Variants in RAC1 observed in about 807,000 individuals in gnomAD.
RAC1 encodes the protein ras-related C3 botulinum toxin substrate 1.
In RAC1, 2 loss-of-function variants were observed where a neutral mutation model predicts 25.2. The observed-to-expected ratio is 0.08, with a 90% confidence interval of 0.03 to 0.25. The LOEUF (loss-of-function observed/expected upper bound fraction) is 0.25. Among genes scored for constraint, RAC1 ranks in the 10% least tolerant of loss-of-function variants. The pLI is 1.00. For synonymous variants in RAC1, 88 were observed against 94.0 expected, an observed-to-expected ratio of 0.94 and a Z score of 0.37; for missense variants, 50 against 235.7, an observed-to-expected ratio of 0.21 and a Z score of 5.16.
Position 6,402,618 on chromosome 7 carries a change from G to C in RAC1, c.*172G>C. ...ATAAAACCATTTTTTGAACCAATCAGTAATTTTAAGGTTTTGTTTGTTCTA... is the reference window on the plus strand; with the variant it reads ...ATAAAACCATTTTTTGAACCAATCACTAATTTTAAGGTTTTGTTTGTTCTA... On this transcript the variant is annotated 3_prime_UTR_variant, in exon 6 of 6. Coordinates refer to ENST00000348035, the MANE Select transcript of RAC1 (RefSeq NM_006908.5). 3.5e-6 allele frequency: 2 copies of C among 575,746 alleles called. No homozygotes were observed. The highest frequency in any genetic ancestry group is 5.2e-6 in the Non-Finnish European group (2 of 381,102). The allele number at this position is 575,746 out of a possible 1,614,324, so 35.7% of individuals were successfully genotyped here.
intron 3 of RAC1, 36 bp downstream of exon 3, chr7:6,392,077 G>A (rs766732582): frequency 6.2e-7 from 1 of 1,613,378 alleles, no homozygotes; most frequent in South Asian, 1.1e-5. Context: ...GTGTCTTTTA[G>A]AGTATATAAT....
chr7:6,389,408 A>T (rs1783020951), intron 2 of RAC1, among the ~76,000 whole-genome samples: 1 of 148,470 alleles, frequency 6.7e-6, no homozygotes, highest in South Asian at 2.1e-4. Flanking sequence ...TAATTAAAAA[A>T]GTTTGCTCAC....
At chr7:6,379,890 AG>A (rs1782716969) in intron 1 of RAC1, among the ~76,000 whole-genome samples, 3 of 152,198 alleles carry the variant, frequency 2.0e-5, no homozygotes, top group Non-Finnish European at 4.4e-5. Flanking sequence ...ATGGAATTAC[AG>A]GCCCGAGCCA....
chr7:6,374,727 G>A lies in RAC1; in HGVS notation c.-9G>A. On this transcript the variant is annotated 5_prime_UTR_variant, in exon 1 of 6. Coordinates refer to ENST00000348035, the MANE Select transcript of RAC1 (RefSeq NM_006908.5). ...TGCCGCCGCCGCCGCGGCCCAGCGA[G>A]CGGCCCTGATGCAGGCCATCAAGTG... 8.9e-7 allele frequency: 1 copy of A among 1,118,896 alleles called. No homozygotes were observed. The highest frequency in any genetic ancestry group is 1.1e-6 in the Non-Finnish European group (1 of 909,724). 69.3% of individuals were successfully genotyped at this position (1,118,896 alleles called of 1,614,324 possible).
At chr7:6,379,334 G>C (rs1435973809) in intron 1 of RAC1, among the ~76,000 whole-genome samples, 1 of 146,910 alleles carries the variant, frequency 6.8e-6, no homozygotes, top group Non-Finnish European at 1.5e-5. Flanking sequence ...GAGTGCAGTG[G>C]TGCGATCTCG....
At chr7:6,395,523 G>A (rs836470) in intron 3 of RAC1, among the ~76,000 whole-genome samples, 45,993 of 151,986 alleles carry the variant, frequency 0.3, 7,815 homozygotes, top group East Asian at 0.79. Context: ...CGGGAGCAGG[G>A]GATATTTGGT....
chr7:6,374,894 C>A, intron 1 of RAC1, 124 bp downstream of exon 1: 6 of 820,214 alleles, frequency 7.3e-6, no homozygotes, highest in Non-Finnish European at 9.0e-6. Context: ...GGGCCTGGGC[C>A]TGTGTCGCGG....
chr7:6,398,017 C>A (rs1035457679), intron 3 of RAC1, among the ~76,000 whole-genome samples: 1 of 152,150 alleles, frequency 6.6e-6, no homozygotes, highest in Non-Finnish European at 1.5e-5. Flanking sequence ...GGGGTGGCTT[C>A]CCCCAGACCT....
At chr7:6,396,864 A>G (rs1783251006) in intron 3 of RAC1, among the ~76,000 whole-genome samples, 1 of 152,076 alleles carries the variant, frequency 6.6e-6, no homozygotes, top group African/African-American at 2.4e-5. Context: ...CCTCGTCTCT[A>G]CTAAAAATAC....
Position 6,391,978 on chromosome 7 carries a change from C to T in RAC1, c.162C>T (p.Gly54=). 6.2e-7 allele frequency: 1 copy of T among 1,614,134 alleles called. No individual in the cohort carries two copies. Among genetic ancestry groups the T allele is most frequent in the South Asian group, 1.1e-5 (1 of 91,084 alleles). Residue 54 remains glycine, a synonymous_variant, in exon 3 of 6, where the codon GGC becomes GGT. Transcript: ENST00000348035. Reference sequence around the variant, plus strand: ...TAGATGGAAAACCGGTGAATCTGGGCTTATGGGATACAGCTGGACAAGAAG... The same window carrying T: ...TAGATGGAAAACCGGTGAATCTGGGTTTATGGGATACAGCTGGACAAGAAG... ...VMVDGKPVNL[G]LWDTAGQEDY... is the part of the protein sequence containing the mutation.
chr7:6,381,433 G>A lies in RAC1; in HGVS notation c.36-5779G>A, dbSNP rs576627499. 1.0e-3 allele frequency among the ~76,000 whole-genome samples: 143 copies of A among 140,146 alleles called. 1 individual carries two copies. Among genetic ancestry groups the A allele is most frequent in the African/African-American group, 3.7e-3 (134 of 36,640 alleles). The allele number at this position is 140,146 out of a possible 152,430, so 91.9% of individuals were successfully genotyped here. ...GGTAGAAACAGAGTCTTGCTCTGTC[G>A]CCAGGCTGGAGTGCAGTGGCACGAA... On this transcript the variant is annotated intron_variant, in intron 1 of 5. Transcript: ENST00000348035.
intron 1 of RAC1, among the ~76,000 whole-genome samples, chr7:6,384,093 C>G (rs2347339): frequency 0.18 from 27,190 of 151,948 alleles, 2,882 homozygotes; most frequent in Non-Finnish European, 0.24. Flanking sequence ...CCGAGCCCAG[C>G]CAACCTTTAT....
At position 6,403,410 on chromosome 7, in the gene RAC1, T is replaced by C. The variant is rs1360160056; in HGVS notation, c.*964T>C. 4.7e-6 allele frequency: 1 copy of C among 213,828 alleles called. No individual in the cohort carries two copies. The highest frequency in any genetic ancestry group is 2.3e-5 in the African/African-American group (1 of 44,214). The allele number at this position is 213,828 out of a possible 1,614,324, so 13.2% of individuals were successfully genotyped here. A position where few individuals can be genotyped will look rare whatever the true frequency, so the allele number is the denominator to read the frequency against. The stretch of plus-strand genomic sequence containing the variant: ...TAGTCGCTAACTTAGTAAGTGCTTT[T>C]CTTATAGAACCCCTTCTGACTGAGC... On this transcript the variant is annotated 3_prime_UTR_variant, in exon 6 of 6. Coordinates refer to ENST00000348035, the MANE Select transcript of RAC1 (RefSeq NM_006908.5).
chr7:6,392,069 G>T, intron 3 of RAC1, 28 bp downstream of exon 3: 1 of 1,613,500 alleles, frequency 6.2e-7, no homozygotes, highest in Non-Finnish European at 8.5e-7. Context: ...CTTTTAATGT[G>T]TCTTTTAGAG....
intron 1 of RAC1, chr7:6,375,956 AACTC>A (rs1782580336): frequency 6.6e-6 from 1 of 152,210 alleles, no homozygotes; most frequent in Admixed American, 6.6e-5. Context: ...AGTTTAATCA[AACTC>A]AATGCAACTG....
chr7:6,383,864 G>T (rs369671298), intron 1 of RAC1, among the ~76,000 whole-genome samples: 1 of 126,928 alleles, frequency 7.9e-6, no homozygotes, highest in African/African-American at 3.1e-5. Flanking sequence ...GTGCAATGGC[G>T]CAATCTCGGC....
chr7:6,375,578 AT>A (rs769669929), intron 1 of RAC1, among the ~76,000 whole-genome samples: 1 of 151,924 alleles, frequency 6.6e-6, no homozygotes, highest in African/African-American at 2.4e-5. Context: ...GATTCTTAAA[AT>A]TGTTTTCGCC....
intron 3 of RAC1, among the ~76,000 whole-genome samples, chr7:6,398,092 T>C (rs1057505137): frequency 6.6e-6 from 1 of 152,218 alleles, no homozygotes; most frequent in African/African-American, 2.4e-5. Context: ...AATGCAAGTC[T>C]GTACATTCAA....
At chr7:6,381,115 G>A (rs548493039) in intron 1 of RAC1, among the ~76,000 whole-genome samples, 5 of 152,206 alleles carry the variant, frequency 3.3e-5, no homozygotes, top group African/African-American at 1.2e-4. Flanking sequence ...TGATCCACCT[G>A]CCTCGGCCTC....
Sources: allele counts gnomAD v4.1 joint callset (sites outside exome capture counted in the v4.1 genomes callset), GRCh38; gene constraint gnomAD v4.1.1; transcripts MANE v1.5; gene names NCBI Gene and HGNC (gene_info 2026-07-23, HGNC 2026-07-21).